The following PARD3 variants were observed in gnomAD, a reference collection of about 807,000 sequenced individuals.
PARD3 encodes the protein partitioning defective 3 homolog.
Under a neutral mutation model 155.4 loss-of-function variants are expected in PARD3, and 75 were observed. That is an observed-to-expected ratio of 0.48 (90% CI 0.40 to 0.58). The LOEUF (loss-of-function observed/expected upper bound fraction) is 0.58. Ranked by LOEUF, PARD3 falls within the 20% of genes least tolerant of loss-of-function variation. The pLI is 0.00. For missense variants in PARD3, 1,642 were observed against 1,721.7 expected (o/e 0.95, Z 0.82); for synonymous variants, 576 against 610.5 (o/e 0.94, Z 0.83).
At chr10:34,311,020 A>G (rs981913159) in intron 20 of PARD3, among the ~76,000 whole-genome samples, 2 of 152,244 alleles carry the variant, frequency 1.3e-5, no homozygotes, top group Non-Finnish European at 2.9e-5. Flanking sequence ...TGATGTACCA[A>G]TGTGAAACTG....
chr10:34,368,081 T>C (rs539273242), intron 12 of PARD3, among the ~76,000 whole-genome samples: 3 of 152,152 alleles, frequency 2.0e-5, no homozygotes, highest in African/African-American at 7.2e-5. Context: ...GAAACCCCGT[T>C]CTACTAAAAA....
At chr10:34,718,825 G>A (rs1180788626) in intron 1 of PARD3, among the ~76,000 whole-genome samples, 2 of 152,042 alleles carry the variant, frequency 1.3e-5, no homozygotes, top group Non-Finnish European at 2.9e-5. Context: ...TTAGCCGGGC[G>A]TGGTGGCAGG....
intron 5 of PARD3, among the ~76,000 whole-genome samples, chr10:34,411,302 A>G (rs1845025170): frequency 1.3e-5 from 2 of 152,214 alleles, no homozygotes; most frequent in South Asian, 4.1e-4. Flanking sequence ...TGAAGTATAT[A>G]TGTCAACTTG....
At chr10:34,623,195 C>T (rs750755448) in intron 2 of PARD3, among the ~76,000 whole-genome samples, 10 of 152,128 alleles carry the variant, frequency 6.6e-5, no homozygotes, top group African/African-American at 9.7e-5. Context: ...GATACTTTCA[C>T]GGCTGTGTCA....
At chr10:34,505,983 G>C (rs1480202543) in intron 3 of PARD3, among the ~76,000 whole-genome samples, 1 of 152,084 alleles carries the variant, frequency 6.6e-6, no homozygotes, top group Non-Finnish European at 1.5e-5. Flanking sequence ...AAAATCAGCC[G>C]GGAATTGTGG....
chr10:34,651,778 G>A (rs985011952), intron 2 of PARD3, among the ~76,000 whole-genome samples: 1 of 152,102 alleles, frequency 6.6e-6, no homozygotes, highest in Non-Finnish European at 1.5e-5. Context: ...GGACAATTTG[G>A]CCACTTATCT....
intron 5 of PARD3, among the ~76,000 whole-genome samples, chr10:34,414,782 A>G (rs11009780): frequency 0.042 from 6,369 of 152,206 alleles, 438 homozygotes; most frequent in African/African-American, 0.15. Context: ...TTCTATGGAT[A>G]TAACAAAATA....
intron 21 of PARD3, among the ~76,000 whole-genome samples, chr10:34,272,754 AAAC>A (rs1309202190): frequency 6.6e-6 from 1 of 152,148 alleles, no homozygotes; most frequent in Non-Finnish European, 1.5e-5. Context: ...ACAAACAAAA[AAAC>A]AAACAAACCC....
At chr10:34,277,470 AAC>A (rs778988073) in intron 21 of PARD3, among the ~76,000 whole-genome samples, 213 of 152,312 alleles carry the variant, frequency 1.4e-3, no homozygotes, top group Non-Finnish European at 2.0e-3. Context: ...TTACCCTGGT[AAC>A]AGTTCCAATT....
chr10:34,605,579 C>CTA lies in PARD3; in HGVS notation c.223-88422_223-88421dup, dbSNP rs1194356087. ...TATCTCCTATATATATATATATCTC[C>CTA]TATATATATCTCCTATATATATATA... On this transcript the variant is annotated intron_variant, in intron 2 of 24. Transcript: ENST00000374788. 3.2e-4 allele frequency among the ~76,000 whole-genome samples: 8 copies of CTA among 24,852 alleles called. 2 individuals carry two copies. In the African/African-American group the frequency reaches 4.9e-3, roughly 15 times the overall value. The allele number at this position is 24,852 out of a possible 152,430, so 16.3% of individuals were successfully genotyped here.
At position 34,666,796 on chromosome 10, in the gene PARD3, A is replaced by AAT. The variant is rs1204976062; in HGVS notation, c.222+29520_222+29521dup. ...TCCCCCTAAAAAAAAAAAAAAAAAA[A>AAT]ATATATATATATATATATATACACA... On this transcript the variant is annotated intron_variant, in intron 2 of 24. Transcript: ENST00000374788. Among the ~76,000 whole-genome samples, 124 of 66,888 alleles carry AAT rather than the reference A, an allele frequency of 1.9e-3. 2 individuals carry two copies. Among genetic ancestry groups the AAT allele is most frequent in the Non-Finnish European group, 2.4e-3 (85 of 35,118 alleles). The allele number at this position is 66,888 out of a possible 152,430, so 43.9% of individuals were successfully genotyped here. A position where few individuals can be genotyped will look rare whatever the true frequency, so the allele number is the denominator to read the frequency against.
chr10:34,372,091 T>C (rs1429457408), intron 12 of PARD3, among the ~76,000 whole-genome samples: 1 of 152,256 alleles, frequency 6.6e-6, no homozygotes, highest in Non-Finnish European at 1.5e-5. Context: ...CTGTGTATAC[T>C]TTTTTTACTG....
At chr10:34,715,414 C>A (rs2094505370) in intron 1 of PARD3, among the ~76,000 whole-genome samples, 1 of 152,150 alleles carries the variant, frequency 6.6e-6, no homozygotes. Flanking sequence ...GCCATACACA[C>A]AGGGGATGTA....
intron 1 of PARD3, among the ~76,000 whole-genome samples, chr10:34,780,133 T>C (rs1437440553): frequency 1.3e-5 from 2 of 152,224 alleles, no homozygotes; most frequent in Non-Finnish European, 2.9e-5. Context: ...TTCTTTTGTA[T>C]GAATGGTTTT....
Position 34,453,927 on chromosome 10 carries a change from T to C in PARD3, c.583-3479A>G, listed in dbSNP as rs554290478. ...AATTTTATATTTGTGGAATCAACTT[T>C]GAGTTCATGGATAATAAAACTAAAA... On this transcript the variant is annotated intron_variant, in intron 4 of 24. Transcript: ENST00000374788. 2.6e-5 allele frequency among the ~76,000 whole-genome samples: 4 copies of C among 152,344 alleles called. No individual in the cohort carries two copies. In the South Asian group the frequency reaches 6.2e-4, roughly 24 times the overall value.
At chr10:34,756,103 A>AC in intron 1 of PARD3, among the ~76,000 whole-genome samples, 2 of 145,446 alleles carry the variant, frequency 1.4e-5, no homozygotes, top group South Asian at 4.4e-4. Flanking sequence ...GGTTGGCAGT[A>AC]CCCCTCACCC....
At chr10:34,293,358 A>G (rs980132198) in intron 20 of PARD3, among the ~76,000 whole-genome samples, 5 of 152,194 alleles carry the variant, frequency 3.3e-5, no homozygotes, top group African/African-American at 1.2e-4. Flanking sequence ...TTTTCAAATT[A>G]TACCTACCCA....
At chr10:34,501,613 C>A (rs2080713222) in intron 3 of PARD3, among the ~76,000 whole-genome samples, 2 of 152,098 alleles carry the variant, frequency 1.3e-5, no homozygotes, top group African/African-American at 4.8e-5. Flanking sequence ...AGGTCAGATG[C>A]TCATTTCATA....
intron 2 of PARD3, among the ~76,000 whole-genome samples, chr10:34,522,272 A>G (rs2082194390): frequency 6.6e-6 from 1 of 152,172 alleles, no homozygotes; most frequent in Non-Finnish European, 1.5e-5. Flanking sequence ...GGGAGTCATG[A>G]GCCAAGGAAA....
Sources: gnomAD v4.1 joint callset for allele counts (sites outside exome capture counted in the v4.1 genomes callset) on GRCh38, gnomAD v4.1.1 for gene constraint, MANE v1.5 for transcripts, NCBI Gene and HGNC (gene_info 2026-07-23, HGNC 2026-07-21) for gene names.